ADD3: variants seen among roughly 807,000 people sequenced by gnomAD.
The protein encoded by ADD3 is gamma-adducin.
In ADD3, 25 loss-of-function variants were observed where a neutral mutation model predicts 80.2. The observed-to-expected ratio is 0.31, with a 90% confidence interval of 0.23 to 0.44. The LOEUF (loss-of-function observed/expected upper bound fraction) is 0.44, where lower values mean the gene tolerates loss of function less well. ADD3 is among the 20% of genes least tolerant of loss of function. The pLI is 1.00. For synonymous variants in ADD3, 284 were observed against 289.6 expected (o/e 0.98, Z 0.20); for missense variants, 829 against 847.5 (o/e 0.98, Z 0.27).
In ADD3 at chr10:110,092,237, A is replaced by G. The variant is rs76277033; in HGVS notation, c.-29-8388A>G. On this transcript the variant is annotated intron_variant, in intron 1 of 14. Coordinates refer to ENST00000356080, the MANE Select transcript of ADD3 (RefSeq NM_016824.5). ...CTGGGTGTATACCCAAAGGAATATA[A>G]ATTATTCTACCAAAAAGACACAAGC... is the stretch of plus-strand genomic sequence containing the variant. Among the ~76,000 whole-genome samples the G allele has an allele frequency of 4.3e-3, 655 of 152,320 alleles. 5 individuals carry two copies. The highest frequency in any genetic ancestry group is 8.0e-3 in the Non-Finnish European group (541 of 68,028).
At chr10:110,011,635 A>T (rs1852341624) in intron 1 of ADD3, among the ~76,000 whole-genome samples, 1 of 152,228 alleles carries the variant, frequency 6.6e-6, no homozygotes, top group African/African-American at 2.4e-5. Flanking sequence ...TAGAGTTTGA[A>T]TTTTTAAAAA....
chr10:110,028,881 CTTT>C (rs755564434), intron 1 of ADD3, among the ~76,000 whole-genome samples: 1 of 140,296 alleles, frequency 7.1e-6, no homozygotes. Flanking sequence ...CATCACTTTC[CTTT>C]TTTTTTTTTT....
At position 110,100,822 on chromosome 10, in the gene ADD3, C is replaced by T. The variant is rs1848730553; in HGVS notation, c.169C>T (p.Arg57Ter). Reference sequence around the variant, plus strand: ...CTTCAACATGATGGAGCAGAGGAAACGAGTTACTCAGATCCTGCAAAGTCC... The same window carrying T: ...CTTCAACATGATGGAGCAGAGGAAATGAGTTACTCAGATCCTGCAAAGTCC... ...QDFNMMEQRKRVTQILQSPAF... is the reference protein window; with the variant it reads ...QDFNMMEQRK Residue 57 changes from arginine to a stop codon, truncating the protein, a stop_gained, in exon 2 of 15, where the codon CGA becomes TGA. Coordinates refer to ENST00000356080, the MANE Select transcript of ADD3 (RefSeq NM_016824.5). LOFTEE classifies it high-confidence loss of function. The T allele has an allele frequency of 3.7e-6, 6 of 1,608,380 alleles. No individual in the cohort carries two copies. Among genetic ancestry groups the T allele is most frequent in the Non-Finnish European group, 5.1e-6 (6 of 1,177,768 alleles).
chr10:110,129,472 G>GA (rs544132948), intron 12 of ADD3, among the ~76,000 whole-genome samples: 13,598 of 152,038 alleles, frequency 0.089, 1,991 homozygotes, highest in African/African-American at 0.31. Context: ...TCAAGCCTCT[G>GA]ATCTTCTGCA....
At chr10:110,024,420 A>T (rs1854041948) in intron 1 of ADD3, among the ~76,000 whole-genome samples, 1 of 152,252 alleles carries the variant, frequency 6.6e-6, no homozygotes, top group South Asian at 2.1e-4. Flanking sequence ...GGAGAATCCA[A>T]TCCAGTAAGA....
intron 1 of ADD3, among the ~76,000 whole-genome samples, chr10:109,996,663 T>A (rs1851385429): frequency 6.6e-6 from 1 of 152,236 alleles, no homozygotes; most frequent in African/African-American, 2.4e-5. Flanking sequence ...TGTGTCCTAG[T>A]AATTATGCCC....
intron 1 of ADD3, among the ~76,000 whole-genome samples, chr10:110,087,007 G>A (rs7921496): frequency 0.011 from 1,609 of 152,094 alleles, 32 homozygotes; most frequent in African/African-American, 0.038. Flanking sequence ...AAACCCACTC[G>A]CTTTAGAAAG....
chr10:110,046,659 T>C (rs982683113), intron 1 of ADD3, among the ~76,000 whole-genome samples: 1 of 152,194 alleles, frequency 6.6e-6, no homozygotes, highest in Non-Finnish European at 1.5e-5. Context: ...GGGAAGTTGC[T>C]GAACTTTTCT....
In ADD3 at chr10:110,117,519, A is replaced by G. The variant is rs566804944; in HGVS notation, c.567+97A>G. On this transcript the variant is annotated intron_variant, in intron 5 of 14. Coordinates refer to ENST00000356080, the MANE Select transcript of ADD3 (RefSeq NM_016824.5). ...CACAGGACAGAATAAGAAGGTATGG[A>G]TGGAAAAACATTTACTAGTGAACAG... 17 of 709,526 alleles carry G rather than the reference A, an allele frequency of 2.4e-5. No individual in the cohort carries two copies. In the South Asian group the frequency reaches 2.9e-4, roughly 12 times the overall value. 44.0% of individuals were successfully genotyped at this position (709,526 alleles called of 1,614,324 possible).
intron 1 of ADD3, among the ~76,000 whole-genome samples, chr10:110,048,336 A>G (rs1236577171): frequency 3.3e-5 from 5 of 152,156 alleles, no homozygotes; most frequent in African/African-American, 1.2e-4. Context: ...AATACTGTAA[A>G]TTGGCACCAG....
chr10:110,073,810 G>T (rs752187157), intron 1 of ADD3, among the ~76,000 whole-genome samples: 1 of 152,138 alleles, frequency 6.6e-6, no homozygotes, highest in Non-Finnish European at 1.5e-5. Flanking sequence ...TGTGCTATCT[G>T]TTGGAATACA....
chr10:110,133,308 A>G lies in ADD3; in HGVS notation c.1829-18A>G. The G allele has an allele frequency of 6.4e-7, 1 of 1,557,026 alleles. No individual in the cohort carries two copies. Among genetic ancestry groups the G allele is most frequent in the Non-Finnish European group, 8.7e-7 (1 of 1,147,750 alleles). ...TAAGTATGTAAAATAACCCCCAAAAAACCCTCCCCTTTCGTAGAAAACCAT... is the reference window on the plus strand; with the variant it reads ...TAAGTATGTAAAATAACCCCCAAAAGACCCTCCCCTTTCGTAGAAAACCAT... On this transcript the variant is annotated intron_variant, in intron 14 of 14. Coordinates refer to ENST00000356080, the MANE Select transcript of ADD3 (RefSeq NM_016824.5).
intron 1 of ADD3, among the ~76,000 whole-genome samples, chr10:110,034,217 C>A (rs1004881887): frequency 6.6e-6 from 1 of 151,960 alleles, no homozygotes; most frequent in Non-Finnish European, 1.5e-5. Context: ...TTTGTAGTTA[C>A]AAATATCTCA....
chr10:110,068,882 G>T (rs540442734), intron 1 of ADD3, among the ~76,000 whole-genome samples: 2 of 152,204 alleles, frequency 1.3e-5, no homozygotes, highest in South Asian at 4.1e-4. Flanking sequence ...TTTGAGATCA[G>T]CCTGGGCAAC....
chr10:110,120,361 G>T (rs1368454587), intron 8 of ADD3, among the ~76,000 whole-genome samples: 1 of 150,288 alleles, frequency 6.7e-6, no homozygotes, highest in East Asian at 2.0e-4. Flanking sequence ...TACTGAGAAT[G>T]ATGATTTCCA....
upstream of ADD3, among the ~76,000 whole-genome samples, chr10:110,002,432 A>G (rs1251613804): frequency 6.6e-6 from 1 of 151,742 alleles, no homozygotes; most frequent in Non-Finnish European, 1.5e-5. Flanking sequence ...CGCCCCCCAC[A>G]CCGGGCTAAT....
chr10:110,068,844 A>G (rs1844314551), intron 1 of ADD3, among the ~76,000 whole-genome samples: 1 of 152,164 alleles, frequency 6.6e-6, no homozygotes, highest in Non-Finnish European at 1.5e-5. Context: ...TGGGAGGCTG[A>G]GGGAGCTGGA....
At chr10:110,064,749 ATTC>A (rs1205047175) in intron 1 of ADD3, among the ~76,000 whole-genome samples, 1 of 152,152 alleles carries the variant, frequency 6.6e-6, no homozygotes, top group Admixed American at 6.5e-5. Context: ...CTTATTTTCT[ATTC>A]TTATCTTATA....
Position 110,052,338 on chromosome 10 carries a change from C to G in ADD3, c.-30+44039C>G, listed in dbSNP as rs1036091437. Reference sequence around the variant, plus strand: ...CCAGGGGTTCCCATTCCCTGGGCCCCGGACCAGTACCTGTTAGGAACCGGG... The same window carrying G: ...CCAGGGGTTCCCATTCCCTGGGCCCGGGACCAGTACCTGTTAGGAACCGGG... On this transcript the variant is annotated intron_variant, in intron 1 of 14. Transcript: ENST00000356080. 2.6e-5 allele frequency among the ~76,000 whole-genome samples: 4 copies of G among 152,140 alleles called. No individual in the cohort carries two copies. In the South Asian group the frequency reaches 8.3e-4, roughly 32 times the overall value.
Sources: allele counts gnomAD v4.1 joint callset (sites outside exome capture counted in the v4.1 genomes callset), GRCh38; gene constraint gnomAD v4.1.1; transcripts MANE v1.5; gene names NCBI Gene and HGNC (gene_info 2026-07-23, HGNC 2026-07-21).